The following GAREM1 variants were observed in gnomAD, a reference collection of about 807,000 sequenced individuals.
The protein encoded by GAREM1 is GRB2-associated and regulator of MAPK protein 1.
A neutral mutation model predicts 71.3 loss-of-function variants in GAREM1; 26 were observed. The ratio of observed to expected loss-of-function variants is 0.36; its 90% CI spans 0.27 to 0.51. The LOEUF is 0.51. Ranked by LOEUF, GAREM1 falls within the 20% of genes least tolerant of loss-of-function variation. The pLI is 0.95. For missense variants in GAREM1, 1,026 were observed against 1,103.1 expected (o/e 0.93, Z 0.99); for synonymous variants, 440 against 433.2 (o/e 1.02, Z -0.20).
At chr18:32,384,449 G>A (rs188912823) in intron 2 of GAREM1, among the ~76,000 whole-genome samples, 2 of 152,276 alleles carry the variant, frequency 1.3e-5, no homozygotes, top group Admixed American at 1.3e-4. Flanking sequence ...TGGTGGTTGT[G>A]CTGAGTCAAT....
intron 1 of GAREM1, among the ~76,000 whole-genome samples, chr18:32,394,833 T>C (rs1231868871): frequency 1.3e-5 from 2 of 152,228 alleles, no homozygotes; most frequent in African/African-American, 4.8e-5. Flanking sequence ...GATGTTCCGC[T>C]ACCCACCATG....
chr18:32,469,896 T>C (rs908207277), intron 1 of GAREM1, among the ~76,000 whole-genome samples: 2 of 152,020 alleles, frequency 1.3e-5, no homozygotes, highest in African/African-American at 4.8e-5. Flanking sequence ...ATGGGGGAGA[T>C]AGGGAGGAGA....
chr18:32,358,226 G>A (rs186027675), intron 2 of GAREM1, among the ~76,000 whole-genome samples: 147 of 149,798 alleles, frequency 9.8e-4, no homozygotes, highest in Non-Finnish European at 1.8e-3. Flanking sequence ...TTCCCATGAC[G>A]CCTTCCCCAT....
At chr18:32,283,383 A>C (rs1406368241) in intron 4 of GAREM1, among the ~76,000 whole-genome samples, 1 of 152,068 alleles carries the variant, frequency 6.6e-6, no homozygotes. Flanking sequence ...CATCTCTACT[A>C]AAAATACAAA....
intron 2 of GAREM1, among the ~76,000 whole-genome samples, chr18:32,363,829 G>A (rs2079007095): frequency 6.6e-6 from 1 of 150,638 alleles, no homozygotes; most frequent in Non-Finnish European, 1.5e-5. Flanking sequence ...TGTCACAGGA[G>A]AAAACCTTGC....
At chr18:32,308,203 CTTAAATGATATTCTCTA>C (rs924771972) in intron 3 of GAREM1, among the ~76,000 whole-genome samples, 5 of 133,544 alleles carry the variant, frequency 3.7e-5, no homozygotes, top group Non-Finnish European at 8.3e-5. Flanking sequence ...CCTTTGAACT[CTTAAATGATATTCTCTA>C]TTAAACACAT....
chr18:32,324,516 C>T (rs1044555934), intron 2 of GAREM1, among the ~76,000 whole-genome samples: 6 of 152,028 alleles, frequency 3.9e-5, no homozygotes, highest in Admixed American at 1.3e-4. Context: ...GTGCCAAAAC[C>T]GAAGTGATTA....
chr18:32,375,991 A>C (rs2048027160), intron 2 of GAREM1, among the ~76,000 whole-genome samples: 2 of 150,016 alleles, frequency 1.3e-5, no homozygotes, highest in Non-Finnish European at 1.5e-5. Flanking sequence ...GTTGAATGTA[A>C]AAAAAAAAAT....
At chr18:32,302,338 A>T (rs1211032529) in intron 3 of GAREM1, among the ~76,000 whole-genome samples, 2 of 152,132 alleles carry the variant, frequency 1.3e-5, no homozygotes, top group African/African-American at 4.8e-5. Context: ...GATTATAACA[A>T]CTCAAAGTCT....
At chr18:32,388,829 C>T (rs148086616) in intron 2 of GAREM1, among the ~76,000 whole-genome samples, 195 of 152,104 alleles carry the variant, frequency 1.3e-3, no homozygotes, top group African/African-American at 4.4e-3. Context: ...GTCCCAGAGG[C>T]GGAAAAAATG....
chr18:32,309,315 C>T (rs940717823), intron 3 of GAREM1, among the ~76,000 whole-genome samples: 11 of 149,264 alleles, frequency 7.4e-5, no homozygotes, highest in Non-Finnish European at 1.5e-4. Context: ...TGCACTGTCC[C>T]TTTAAGAATG....
chr18:32,267,561 C>A lies in GAREM1; in HGVS notation c.*310G>T. 8.1e-5 allele frequency: 15 copies of A among 185,858 alleles called. No individual in the cohort carries two copies. The highest frequency in any genetic ancestry group is 1.3e-4 in the East Asian group (1 of 7,982). The allele number at this position is 185,858 out of a possible 1,614,324, so 11.5% of individuals were successfully genotyped here. Reference sequence around the variant, plus strand: ...GCTTTGGCTATTTTGTAATAAATATCATACCTTCTCACATAAACCTACTTG... The same window carrying A: ...GCTTTGGCTATTTTGTAATAAATATAATACCTTCTCACATAAACCTACTTG... On this transcript the variant is annotated 3_prime_UTR_variant, in exon 6 of 6. Coordinates refer to ENST00000269209, the MANE Select transcript of GAREM1 (RefSeq NM_001242409.2).
chr18:32,403,105 G>A (rs1290672967), intron 1 of GAREM1, among the ~76,000 whole-genome samples: 2 of 151,962 alleles, frequency 1.3e-5, no homozygotes, highest in African/African-American at 4.8e-5. Flanking sequence ...TTTAGGTTTT[G>A]CCATGTTGGC....
chr18:32,424,326 T>C (rs2048552650), intron 1 of GAREM1, among the ~76,000 whole-genome samples: 2 of 152,254 alleles, frequency 1.3e-5, no homozygotes, highest in Non-Finnish European at 2.9e-5. Flanking sequence ...TTTATACTTG[T>C]GCAAACACGG....
rs55989380 is a variant in GAREM1 at position 32,291,001 on chromosome 18, A to G, written c.394-2798T>C. ...ACATCTAGGAATTTACCCTGAAGAC[A>G]TTCCTCCAACAATATGAAAGTACAC... On this transcript the variant is annotated intron_variant, in intron 3 of 5. Coordinates refer to ENST00000269209, the MANE Select transcript of GAREM1 (RefSeq NM_001242409.2). Among the ~76,000 whole-genome samples, 1,096 of 152,296 alleles carry G rather than the reference A, an allele frequency of 7.2e-3. 11 individuals carry two copies. Among genetic ancestry groups the G allele is most frequent in the African/African-American group, 0.025 (1,028 of 41,558 alleles).
intron 2 of GAREM1, among the ~76,000 whole-genome samples, chr18:32,313,268 TGGGA>T (rs1172132298): frequency 6.6e-6 from 1 of 151,608 alleles, no homozygotes; most frequent in African/African-American, 2.4e-5. Context: ...GGATCCTGGG[TGGGA>T]GGGAAGTGGG....
At position 32,267,696 on chromosome 18, in the gene GAREM1, G is replaced by T; in HGVS notation, c.*175C>A. 1 of 584,406 alleles carries T rather than the reference G, an allele frequency of 1.7e-6. No homozygotes were observed. 36.2% of individuals were successfully genotyped at this position (584,406 alleles called of 1,614,324 possible). A position where few individuals can be genotyped will look rare whatever the true frequency, so the allele number is the denominator to read the frequency against. The stretch of plus-strand genomic sequence containing the variant: ...AAGTGTTCTGTACAGCATTTTTATT[G>T]ATGTACAAAATAGCCTGTTCACCAT... On this transcript the variant is annotated 3_prime_UTR_variant, in exon 6 of 6. Transcript: ENST00000269209.
chr18:32,384,585 G>C (rs753811640), intron 2 of GAREM1, among the ~76,000 whole-genome samples: 4 of 151,886 alleles, frequency 2.6e-5, no homozygotes, highest in Non-Finnish European at 5.9e-5. Flanking sequence ...GTCCACTTTT[G>C]CTCGAGCATT....
At chr18:32,305,582 C>T (rs576255966) in intron 3 of GAREM1, among the ~76,000 whole-genome samples, 35 of 152,222 alleles carry the variant, frequency 2.3e-4, no homozygotes, top group East Asian at 3.9e-4. Context: ...TACAGTGGCG[C>T]GATCTTGGCT....
Sources: allele counts gnomAD v4.1 joint callset (sites outside exome capture counted in the v4.1 genomes callset), GRCh38; gene constraint gnomAD v4.1.1; transcripts MANE v1.5; gene names NCBI Gene and HGNC (gene_info 2026-07-23, HGNC 2026-07-21).